Variants in LRRC20 observed in about 807,000 individuals in gnomAD.
LRRC20 encodes the protein leucine rich repeat containing 20.
In LRRC20, 11 loss-of-function variants were observed where a neutral mutation model predicts 14.4. The observed-to-expected ratio is 0.77, with a 90% CI of 0.48 to 1.27. The LOEUF (loss-of-function observed/expected upper bound fraction) is 1.27, where lower values mean the gene tolerates loss of function less well. LRRC20 is among the 50% of genes most tolerant of loss of function. LRRC20 has a pLI of 0.00. For synonymous variants in LRRC20, 121 were observed against 107.3 expected, an observed-to-expected ratio of 1.13 and a Z score of -0.79; for missense variants, 219 against 251.2, an observed-to-expected ratio of 0.87 and a Z score of 0.87.
chr10:70,322,927 C>T (rs1251218395), intron 4 of LRRC20, among the ~76,000 whole-genome samples: 1 of 151,562 alleles, frequency 6.6e-6, no homozygotes, highest in Admixed American at 6.6e-5. Flanking sequence ...GCAGGCCATT[C>T]CCCATCAGAT....
chr10:70,380,709 C>G lies in LRRC20; in HGVS notation c.-64+1840G>C, dbSNP rs187565848. Among the ~76,000 whole-genome samples, 32 of 152,386 alleles carry G rather than the reference C, an allele frequency of 2.1e-4. No homozygotes were observed. The East Asian group carries it at 6.0e-3, about 28-fold the overall frequency. On this transcript the variant is annotated intron_variant, in intron 1 of 4. Transcript: ENST00000446961. Reference sequence around the variant, plus strand: ...AAGCTCATACTCACACTGCCTACATCCTCAAAGCATGGCCCTCTCCACACA... The same window carrying G: ...AAGCTCATACTCACACTGCCTACATGCTCAAAGCATGGCCCTCTCCACACA...
At chr10:70,329,687 G>A (rs752723685) in intron 3 of LRRC20, among the ~76,000 whole-genome samples, 2 of 150,668 alleles carry the variant, frequency 1.3e-5, no homozygotes, top group African/African-American at 2.4e-5. Flanking sequence ...TCAGCCTCCC[G>A]AGTAGCTGGG....
chr10:70,351,210 C>T (rs757688437), intron 2 of LRRC20, among the ~76,000 whole-genome samples: 1 of 151,848 alleles, frequency 6.6e-6, no homozygotes, highest in Non-Finnish European at 1.5e-5. Context: ...AGACAATCAT[C>T]TGAAGAGGCT....
intron 2 of LRRC20, among the ~76,000 whole-genome samples, chr10:70,372,993 A>G (rs530351937): frequency 2.0e-5 from 3 of 152,180 alleles, no homozygotes; most frequent in African/African-American, 7.2e-5. Flanking sequence ...ACACACCTGT[A>G]ATCCCAGCTA....
In LRRC20 at chr10:70,360,598, G is replaced by A. The variant is rs370415202; in HGVS notation, c.82+15854C>T. Among the ~76,000 whole-genome samples, 28 of 152,148 alleles carry A rather than the reference G, an allele frequency of 1.8e-4. No homozygotes were observed. In the East Asian group the frequency reaches 3.5e-3, roughly 19 times the overall value. ...ACTACAGGCTCACGCCACCCTGCCC[G>A]GTTAATTTTTCTTTTAGTTTTTTTG... On this transcript the variant is annotated intron_variant, in intron 2 of 4. Transcript: ENST00000446961.
At chr10:70,327,579 T>TA (rs60686183) in intron 3 of LRRC20, among the ~76,000 whole-genome samples, 143 of 144,882 alleles carry the variant, frequency 9.9e-4, no homozygotes, top group Middle Eastern at 3.5e-3. Context: ...AGACTCTATC[T>TA]AAAAAAAAAA....
chr10:70,341,283 C>T (rs757708695), intron 2 of LRRC20, among the ~76,000 whole-genome samples: 1 of 152,216 alleles, frequency 6.6e-6, no homozygotes, highest in Admixed American at 6.5e-5. Context: ...AGTCACTCCA[C>T]TCTTAGGTAT....
At chr10:70,308,665 G>A (rs1368815995) in intron 4 of LRRC20, among the ~76,000 whole-genome samples, 1 of 152,098 alleles carries the variant, frequency 6.6e-6, no homozygotes, top group African/African-American at 2.4e-5. Context: ...GGAACCATGT[G>A]ACAGGCGAGC....
intron 1 of LRRC20, among the ~76,000 whole-genome samples, chr10:70,379,842 C>T (rs536737552): frequency 2.0e-5 from 3 of 152,264 alleles, no homozygotes; most frequent in East Asian, 1.9e-4. Flanking sequence ...ATTTTTCCCA[C>T]TGTAGTGGGA....
chr10:70,337,187 C>T (rs1277548668), intron 3 of LRRC20, among the ~76,000 whole-genome samples: 1 of 152,202 alleles, frequency 6.6e-6, no homozygotes, highest in Non-Finnish European at 1.5e-5. Context: ...CCTCTGCAAG[C>T]ACCCAGAGGA....
At chr10:70,382,493 C>G (rs971037963) in intron 1 of LRRC20, 56 bp downstream of exon 1, 1 of 152,364 alleles carries the variant, frequency 6.6e-6, no homozygotes, top group African/African-American at 2.4e-5. Flanking sequence ...ACTACATTTA[C>G]TTTGCGGGGC....
Position 70,376,611 on chromosome 10 carries a change from G to A in LRRC20, c.-63-15C>T. On this transcript the variant is annotated splice_polypyrimidine_tract_variant and intron_variant, in intron 1 of 4. Transcript: ENST00000446961. ...AGGGCCTGAGCCTGGGGAAGACGCA[G>A]TGCCATGAAGTGCCCGCCTGCCAGC... is the stretch of plus-strand genomic sequence containing the variant. The A allele has an allele frequency of 7.5e-7, 1 of 1,338,360 alleles. No homozygotes were observed. Among genetic ancestry groups the A allele is most frequent in the Non-Finnish European group, 1.1e-6 (1 of 945,384 alleles). The allele number at this position is 1,338,360 out of a possible 1,614,324, so 82.9% of individuals were successfully genotyped here.
intron 4 of LRRC20, among the ~76,000 whole-genome samples, chr10:70,306,689 CAAG>C (rs1370714955): frequency 6.6e-6 from 1 of 152,104 alleles, no homozygotes; most frequent in African/African-American, 2.4e-5. Context: ...TTGCATCTAA[CAAG>C]AAGTCTGTGG....
intron 2 of LRRC20, among the ~76,000 whole-genome samples, chr10:70,365,658 A>C (rs1487438035): frequency 6.6e-6 from 1 of 152,188 alleles, no homozygotes. Context: ...GCCTGTGAAC[A>C]GCACTGCACT....
intron 3 of LRRC20, among the ~76,000 whole-genome samples, chr10:70,326,678 T>A (rs1333982571): frequency 6.6e-6 from 1 of 152,082 alleles, no homozygotes; most frequent in African/African-American, 2.4e-5. Context: ...AGATCACCAT[T>A]ATAAGCCTCT....
At chr10:70,367,053 C>T (rs1589123018) in intron 2 of LRRC20, among the ~76,000 whole-genome samples, 1 of 151,918 alleles carries the variant, frequency 6.6e-6, no homozygotes, top group Non-Finnish European at 1.5e-5. Context: ...GACCAGATGC[C>T]GTGGTTTGTG....
chr10:70,306,270 C>T (rs530434521), intron 4 of LRRC20, among the ~76,000 whole-genome samples: 8 of 152,094 alleles, frequency 5.3e-5, no homozygotes, highest in Non-Finnish European at 1.0e-4. Context: ...CAGGTATTCA[C>T]ATTGATAGAA....
Position 70,300,460 on chromosome 10 carries a change from G to A in LRRC20, c.*894C>T. ...AATCCCGTGGTCCACATCGCCTTCT[G>A]CCCCCAGGAGGCCATGACAAGGCAG... On this transcript the variant is annotated 3_prime_UTR_variant, in exon 5 of 5. Transcript: ENST00000446961. The A allele has an allele frequency of 1.0e-6, 1 of 985,526 alleles. No individual in the cohort carries two copies. The highest frequency in any genetic ancestry group is 1.2e-6 in the Non-Finnish European group (1 of 829,994). The allele number at this position is 985,526 out of a possible 1,614,324, so 61.0% of individuals were successfully genotyped here. A position where few individuals can be genotyped will look rare whatever the true frequency, so the allele number is the denominator to read the frequency against.
chr10:70,326,330 A>ACACACGCACG (rs1554838457), intron 3 of LRRC20, among the ~76,000 whole-genome samples: 1 of 150,966 alleles, frequency 6.6e-6, no homozygotes, highest in African/African-American at 2.4e-5. Context: ...ACACACACAC[A>ACACACGCACG]CACGCACGCG....
Sources: allele counts gnomAD v4.1 joint callset (sites outside exome capture counted in the v4.1 genomes callset), GRCh38; gene constraint gnomAD v4.1.1; transcripts MANE v1.5; gene names NCBI Gene and HGNC (gene_info 2026-07-23, HGNC 2026-07-21).